Variants in TRAF3IP1 observed in about 807,000 individuals in gnomAD.
TRAF3IP1 encodes the protein intraflagellar transport 54, also known as TRAF3-interacting protein 1.
A neutral mutation model predicts 89.9 loss-of-function variants in TRAF3IP1; 53 were observed. The ratio of observed to expected loss-of-function variants is 0.59; its 90% CI spans 0.47 to 0.74. TRAF3IP1 has a LOEUF of 0.74. Ranked by LOEUF, TRAF3IP1 falls within the 30% of genes least tolerant of loss-of-function variation. The pLI is 0.00. For synonymous variants in TRAF3IP1, 311 were observed against 322.1 expected, an observed-to-expected ratio of 0.97 and a Z score of 0.37; for missense variants, 806 against 866.1, an observed-to-expected ratio of 0.93 and a Z score of 0.87.
chr2:238,365,268 A>G (rs1282891352), intron 15 of TRAF3IP1, among the ~76,000 whole-genome samples: 1 of 152,222 alleles, frequency 6.6e-6, no homozygotes, highest in Non-Finnish European at 1.5e-5. Context: ...TGAAAATTCT[A>G]CACCTGACAA....
intron 15 of TRAF3IP1, among the ~76,000 whole-genome samples, chr2:238,375,576 C>T (rs1039116139): frequency 5.9e-5 from 9 of 152,158 alleles, no homozygotes; most frequent in East Asian, 1.9e-4. Context: ...GGAATAAGTG[C>T]GATGTGGTGC....
At chr2:238,371,874 A>T (rs1331640002) in intron 15 of TRAF3IP1, among the ~76,000 whole-genome samples, 2 of 152,248 alleles carry the variant, frequency 1.3e-5, no homozygotes, top group South Asian at 2.1e-4. Context: ...AAAATATTAA[A>T]TTACGTATAT....
chr2:238,392,765 G>C (rs933286081), intron 15 of TRAF3IP1, among the ~76,000 whole-genome samples: 3 of 152,154 alleles, frequency 2.0e-5, no homozygotes, highest in Non-Finnish European at 2.9e-5. Flanking sequence ...TAGTATAGAT[G>C]GGGTTTTGCC....
intron 15 of TRAF3IP1, among the ~76,000 whole-genome samples, chr2:238,359,554 GTTTA>G (rs1370489062): frequency 3.3e-5 from 5 of 152,184 alleles, no homozygotes; most frequent in South Asian, 4.1e-4. Context: ...TGTATCTATA[GTTTA>G]TTTGTTTTTA....
intron 9 of TRAF3IP1, 150 bp from the exon 10 acceptor site, chr2:238,347,305 T>G (rs1698938431): frequency 1.3e-6 from 1 of 767,222 alleles, no homozygotes; most frequent in Non-Finnish European, 2.2e-6. Context: ...ATAGGGACAT[T>G]AGAAAAGCGG....
intron 6 of TRAF3IP1, 129 bp from the exon 7 acceptor site, chr2:238,333,831 T>G: frequency 1.3e-6 from 1 of 747,364 alleles, no homozygotes; most frequent in Non-Finnish European, 2.2e-6. Context: ...ATTGAGTTTT[T>G]AAAGCATATG....
At chr2:238,396,507 T>C (rs914657918) in intron 15 of TRAF3IP1, among the ~76,000 whole-genome samples, 2 of 150,654 alleles carry the variant, frequency 1.3e-5, no homozygotes, top group Non-Finnish European at 2.9e-5. Flanking sequence ...TGTGTACATG[T>C]ACCCTAAAAC....
chr2:238,393,612 A>G (rs1315223355), intron 15 of TRAF3IP1, among the ~76,000 whole-genome samples: 1 of 152,066 alleles, frequency 6.6e-6, no homozygotes, highest in African/African-American at 2.4e-5. Context: ...TGTGTTTTTT[A>G]TCTTAAAGTT....
At chr2:238,363,297 T>C (rs1699738238) in intron 15 of TRAF3IP1, among the ~76,000 whole-genome samples, 1 of 152,174 alleles carries the variant, frequency 6.6e-6, no homozygotes, top group African/African-American at 2.4e-5. Context: ...AACCTACATA[T>C]ATTTCCGATT....
intron 12 of TRAF3IP1, 119 bp from the exon 13 acceptor site, chr2:238,352,708 G>C (rs1005460222): frequency 1.4e-5 from 14 of 1,008,852 alleles, no homozygotes; most frequent in Non-Finnish European, 2.0e-5. Flanking sequence ...TTGAGATGCT[G>C]TTCTAGCTAG....
intron 7 of TRAF3IP1, 64 bp from the exon 8 acceptor site, chr2:238,338,298 C>A: frequency 2.9e-6 from 3 of 1,050,750 alleles, no homozygotes; most frequent in Non-Finnish European, 4.1e-6. Context: ...TAAATCCCAG[C>A]TAAAACAACC....
intron 6 of TRAF3IP1, among the ~76,000 whole-genome samples, chr2:238,333,618 C>T (rs937067322): frequency 2.6e-5 from 4 of 152,182 alleles, no homozygotes; most frequent in African/African-American, 9.7e-5. Context: ...GAGTTGCTTA[C>T]AAGTGCATTT....
intron 15 of TRAF3IP1, among the ~76,000 whole-genome samples, chr2:238,362,587 C>T (rs945476626): frequency 1.3e-5 from 2 of 152,128 alleles, no homozygotes; most frequent in Non-Finnish European, 2.9e-5. Context: ...AAGGCCTGCC[C>T]TTCTCCTTCA....
intron 15 of TRAF3IP1, among the ~76,000 whole-genome samples, chr2:238,378,348 C>T (rs896347825): frequency 6.6e-6 from 1 of 152,184 alleles, no homozygotes; most frequent in Admixed American, 6.5e-5. Flanking sequence ...ATTCATTCAC[C>T]AGCCATCTGG....
intron 5 of TRAF3IP1, among the ~76,000 whole-genome samples, chr2:238,331,445 C>G (rs1185793676): frequency 6.6e-6 from 1 of 152,166 alleles, no homozygotes; most frequent in East Asian, 1.9e-4. Context: ...CCACTGCACT[C>G]CAGCCTGGGT....
chr2:238,337,420 G>A (rs143129358), intron 7 of TRAF3IP1, among the ~76,000 whole-genome samples: 12 of 152,304 alleles, frequency 7.9e-5, no homozygotes, highest in African/African-American at 2.2e-4. Flanking sequence ...TGCTGGTCCC[G>A]GAGCTGCTGT....
chr2:238,332,706 G>A (rs1559358417), intron 5 of TRAF3IP1, 118 bp from the exon 6 acceptor site: 2 of 747,656 alleles, frequency 2.7e-6, no homozygotes, highest in Non-Finnish European at 4.5e-6. Context: ...GCGATGTGGT[G>A]TTCTCATGGG....
rs144714501 is a variant in TRAF3IP1, at chr2:238,330,119, A to G, written c.915+777A>G. Among the ~76,000 whole-genome samples, 4 of 152,266 alleles carry G rather than the reference A, an allele frequency of 2.6e-5. No homozygotes were observed. The East Asian group carries it at 7.7e-4, about 29-fold the overall frequency. Reference sequence around the variant, plus strand: ...CTCTGAAGGCTTTGGAGCAGCCTCCACCTTAGCATTGCAAGCGGTGTTTAT... The same window carrying G: ...CTCTGAAGGCTTTGGAGCAGCCTCCGCCTTAGCATTGCAAGCGGTGTTTAT... On this transcript the variant is annotated intron_variant, in intron 5 of 16. Transcript: ENST00000373327.
intron 15 of TRAF3IP1, among the ~76,000 whole-genome samples, chr2:238,387,676 A>G (rs375122669): frequency 2.0e-5 from 3 of 152,220 alleles, no homozygotes; most frequent in Non-Finnish European, 2.9e-5. Flanking sequence ...AAATAACCCA[A>G]ATGTTGTCCG....
Sources: allele counts gnomAD v4.1 joint callset (sites outside exome capture counted in the v4.1 genomes callset), GRCh38; gene constraint gnomAD v4.1.1; transcripts MANE v1.5; gene names NCBI Gene and HGNC (gene_info 2026-07-23, HGNC 2026-07-21).